The following ZDHHC23 variants were observed in gnomAD, a reference collection of about 807,000 sequenced individuals.
ZDHHC23 encodes the protein zDHHC palmitoyltransferase 23.
A neutral mutation model predicts 40.2 loss-of-function variants in ZDHHC23; 41 were observed. The observed-to-expected ratio is 1.02, with a 90% CI of 0.79 to 1.32. ZDHHC23 has a LOEUF of 1.32. Ranked by LOEUF, ZDHHC23 falls within the 40% of genes most tolerant of loss-of-function variation. ZDHHC23 has a pLI of 0.00. For synonymous variants in ZDHHC23, 204 were observed against 210.2 expected (o/e 0.97, Z 0.26); for missense variants, 471 against 541.5 (o/e 0.87, Z 1.29).
chr3:113,977,201 G>T, the ZDHHC23 span, among the ~76,000 whole-genome samples: 4 of 152,142 alleles, frequency 2.6e-5, no homozygotes, highest in Non-Finnish European at 5.9e-5. Flanking sequence ...GCGGGCTGAG[G>T]CATGAGAATT....
the ZDHHC23 span, among the ~76,000 whole-genome samples, chr3:113,973,147 CT>C: frequency 6.6e-6 from 1 of 152,102 alleles, no homozygotes; most frequent in African/African-American, 2.4e-5. Context: ...ACTGTTTTCC[CT>C]TGTGGCAAAA....
chr3:113,970,823 G>A, the ZDHHC23 span, among the ~76,000 whole-genome samples: 1 of 152,044 alleles, frequency 6.6e-6, no homozygotes, highest in East Asian at 1.9e-4. Flanking sequence ...CGGTGTTTGG[G>A]TTTTTGTCCT....
chr3:113,953,925 C>T lies in ZDHHC23; in HGVS notation c.387C>T (p.Tyr129=), dbSNP rs1051480173. Residue 129 remains tyrosine (Y), a synonymous_variant, in exon 3 of 5, where the codon TAC becomes TAT. Coordinates refer to ENST00000638807, the MANE Select transcript of ZDHHC23 (RefSeq NM_001320466.2). The part of the protein sequence containing the change: ...SLPVLALWYY[Y]LTHRRKEQTL... ...CTGTGCTGGCACTGTGGTACTACTA[C>T]CTCACTCACAGAAGGAAAGAACAGA... 2 of 1,614,154 alleles carry T rather than the reference C, an allele frequency of 1.2e-6. No homozygotes were observed. The highest frequency in any genetic ancestry group is 1.7e-6 in the Non-Finnish European group (2 of 1,180,034).
intron 2 of ZDHHC23, among the ~76,000 whole-genome samples, chr3:113,950,500 A>G (rs1938559836): frequency 6.6e-6 from 1 of 152,176 alleles, no homozygotes; most frequent in Non-Finnish European, 1.5e-5. Context: ...AGTCTCATTC[A>G]TGAGGGCTGT....
the ZDHHC23 span, among the ~76,000 whole-genome samples, chr3:113,974,759 AT>A: frequency 6.6e-6 from 1 of 151,806 alleles, no homozygotes; most frequent in Middle Eastern, 3.4e-3. Context: ...TACCTGTTTA[AT>A]TTCTTTTTTG....
At chr3:113,975,358 T>C in the ZDHHC23 span, among the ~76,000 whole-genome samples, 1 of 152,214 alleles carries the variant, frequency 6.6e-6, no homozygotes, top group Non-Finnish European at 1.5e-5. Flanking sequence ...ACAGCTCTTC[T>C]ATATGGTATT....
At chr3:113,974,537 G>A in the ZDHHC23 span, among the ~76,000 whole-genome samples, 4 of 149,294 alleles carry the variant, frequency 2.7e-5, no homozygotes, top group African/African-American at 9.7e-5. Context: ...CCAGGCTGGT[G>A]TCGAATTCCT....
chr3:113,977,232 G>T, the ZDHHC23 span, among the ~76,000 whole-genome samples: 1 of 152,260 alleles, frequency 6.6e-6, no homozygotes, highest in African/African-American at 2.4e-5. Context: ...AGGAGGCAGA[G>T]GTTGCAGTAT....
At chr3:113,976,806 G>T in the ZDHHC23 span, among the ~76,000 whole-genome samples, 67 of 152,236 alleles carry the variant, frequency 4.4e-4, 1 homozygote, top group Non-Finnish European at 3.5e-4. Context: ...AAGGTTATTT[G>T]TTCAGGGTCA....
At chr3:113,951,314 G>A (rs908138247) in intron 2 of ZDHHC23, among the ~76,000 whole-genome samples, 5 of 152,134 alleles carry the variant, frequency 3.3e-5, no homozygotes, top group African/African-American at 1.2e-4. Flanking sequence ...CCTCTGCCTC[G>A]GTCCCGAGGC....
Position 113,958,539 on chromosome 3 carries a change from G to A in ZDHHC23, c.1217G>A (p.Gly406Asp). The change falls in exon 5 of 5, where the codon GGC becomes GAC. Residue 406 changes from glycine to aspartate, a missense_variant. Physicochemically the swap from Gly to Asp is moderately conservative, Grantham distance 94. Around this residue, in one of 3 missense-constraint regions of ZDHHC23, gnomAD observed 346 missense variants for 399.8 expected, o/e 0.87. Transcript: ENST00000638807. ...RLLCGLIVDT[G>D]QYNRGFLRNW... ...CTCTGCGGGCTCATCGTGGACACAG[G>A]CCAGTACAATAGGGGCTTCCTGCGG... 1 of 1,613,046 alleles carries A rather than the reference G, an allele frequency of 6.2e-7. No homozygotes were observed. Among genetic ancestry groups the A allele is most frequent in the East Asian group, 2.2e-5 (1 of 44,878 alleles).
At position 113,959,181 on chromosome 3, in the gene ZDHHC23, T is replaced by C; in HGVS notation, c.*551T>C. 1.8e-5 allele frequency: 19 copies of C among 1,066,878 alleles called. No homozygotes were observed. The highest frequency in any genetic ancestry group is 2.1e-5 in the Non-Finnish European group (18 of 875,520). 66.1% of individuals were successfully genotyped at this position (1,066,878 alleles called of 1,614,324 possible). Reference sequence around the variant, plus strand: ...ACAAAGTATTAGGAAAATATTATGATGGAAGAAAAACGTTTATAGTCTAGA... The same window carrying C: ...ACAAAGTATTAGGAAAATATTATGACGGAAGAAAAACGTTTATAGTCTAGA... On this transcript the variant is annotated 3_prime_UTR_variant, in exon 5 of 5. Coordinates refer to ENST00000638807, the MANE Select transcript of ZDHHC23 (RefSeq NM_001320466.2).
downstream of ZDHHC23, among the ~76,000 whole-genome samples, chr3:113,966,098 A>G (rs1940133394): frequency 6.6e-6 from 1 of 152,144 alleles, no homozygotes; most frequent in Non-Finnish European, 1.5e-5. Flanking sequence ...AATGATGGAA[A>G]ATTGCGTGCA....
chr3:113,972,087 T>A, the ZDHHC23 span, among the ~76,000 whole-genome samples: 1 of 152,204 alleles, frequency 6.6e-6, no homozygotes, highest in Admixed American at 6.5e-5. Flanking sequence ...TCTGCTTAGA[T>A]TTATATTATT....
chr3:113,975,385 A>G, the ZDHHC23 span, among the ~76,000 whole-genome samples: 1 of 152,226 alleles, frequency 6.6e-6, no homozygotes, highest in African/African-American at 2.4e-5. Flanking sequence ...TTCATATAAA[A>G]TTGAATATGA....
downstream of ZDHHC23, among the ~76,000 whole-genome samples, chr3:113,966,642 G>C (rs1393067728): frequency 1.3e-5 from 2 of 152,192 alleles, no homozygotes; most frequent in East Asian, 3.8e-4. Context: ...GAAGTGCAGA[G>C]TAGTTAAGCT....
chr3:113,979,071 C>A, the ZDHHC23 span: 1 of 1,483,002 alleles, frequency 6.7e-7, no homozygotes, highest in Non-Finnish European at 9.3e-7. Context: ...TAAACAAACA[C>A]ATCACCTTTG....
intron 2 of ZDHHC23, among the ~76,000 whole-genome samples, chr3:113,949,909 G>C (rs1938502922): frequency 1.3e-5 from 2 of 152,078 alleles, no homozygotes; most frequent in African/African-American, 4.8e-5. Flanking sequence ...TCTTTTTTAT[G>C]GATGTCTTTG....
At chr3:113,965,363 TAAGAATAAAGAAGGAAA>T, downstream of ZDHHC23, 3 of 1,546,530 alleles carry the variant, frequency 1.9e-6, no homozygotes, top group Non-Finnish European at 2.6e-6. Flanking sequence ...GATCCTCCTT[TAAGAATAAAGAAGGAAA>T]AAAGTGAAAT....
Sources: allele counts gnomAD v4.1 joint callset (sites outside exome capture counted in the v4.1 genomes callset), GRCh38; gene constraint gnomAD v4.1.1; regional missense constraint gnomAD v4.1.1; transcripts MANE v1.5; gene names NCBI Gene and HGNC (gene_info 2026-07-23, HGNC 2026-07-21).